LRRC4C: variants seen among roughly 807,000 people sequenced by gnomAD.
The protein encoded by LRRC4C is leucine rich repeat containing 4C, also known as leucine-rich repeat-containing protein 4C.
A neutral mutation model predicts 33.6 loss-of-function variants in LRRC4C; 5 were observed. The observed-to-expected ratio is 0.15, with a 90% CI of 0.08 to 0.31. LRRC4C has a LOEUF of 0.31. LRRC4C is among the 10% of genes least tolerant of loss of function. The pLI, the probability that LRRC4C is intolerant of heterozygous loss-of-function variation, is 1.00. For synonymous variants in LRRC4C, 329 were observed against 302.0 expected (o/e 1.09, Z -0.93); for missense variants, 560 against 796.7 (o/e 0.70, Z 3.58).
chr11:40,194,681 G>C (rs1301878193), intron 5 of LRRC4C, among the ~76,000 whole-genome samples: 1 of 152,090 alleles, frequency 6.6e-6, no homozygotes, highest in Non-Finnish European at 1.5e-5. Flanking sequence ...ATGACAGGTT[G>C]ATGGGTGCAG....
At chr11:41,357,691 G>A (rs1195763796) in intron 1 of LRRC4C, among the ~76,000 whole-genome samples, 1 of 151,900 alleles carries the variant, frequency 6.6e-6, no homozygotes, top group Non-Finnish European at 1.5e-5. Context: ...ATACCTGAGA[G>A]TATATCTAAT....
At chr11:41,247,413 A>G (rs1215650142) in intron 1 of LRRC4C, among the ~76,000 whole-genome samples, 2 of 152,212 alleles carry the variant, frequency 1.3e-5, no homozygotes, top group Non-Finnish European at 2.9e-5. Context: ...TTCAATGTCT[A>G]CTTAAGAACA....
intron 2 of LRRC4C, among the ~76,000 whole-genome samples, chr11:40,661,331 A>T (rs1487592327): frequency 6.6e-6 from 1 of 152,146 alleles, no homozygotes; most frequent in African/African-American, 2.4e-5. Context: ...TAGCTGTTCA[A>T]GTCTCACCTG....
chr11:40,531,340 C>T (rs944994170), intron 3 of LRRC4C, among the ~76,000 whole-genome samples: 4 of 152,120 alleles, frequency 2.6e-5, no homozygotes, highest in African/African-American at 9.7e-5. Context: ...CGAAGTAGAA[C>T]TGAGATACCA....
At chr11:41,063,695 A>G (rs1350754636) in intron 1 of LRRC4C, among the ~76,000 whole-genome samples, 1 of 152,196 alleles carries the variant, frequency 6.6e-6, no homozygotes, top group Non-Finnish European at 1.5e-5. Flanking sequence ...GAAGAGCAAT[A>G]TCCAATAAGG....
intron 2 of LRRC4C, among the ~76,000 whole-genome samples, chr11:40,799,405 T>C (rs1017211024): frequency 4.6e-5 from 7 of 152,234 alleles, no homozygotes; most frequent in African/African-American, 1.7e-4. Flanking sequence ...ATGTTTTATG[T>C]ATAAAAAAAC....
chr11:41,279,459 A>G (rs1423189666), intron 1 of LRRC4C, among the ~76,000 whole-genome samples: 1 of 150,670 alleles, frequency 6.6e-6, no homozygotes, highest in Non-Finnish European at 1.5e-5. Flanking sequence ...AATGGGTACA[A>G]GAAGGCAGCT....
At chr11:40,945,712 C>A (rs897813935) in intron 1 of LRRC4C, among the ~76,000 whole-genome samples, 1 of 152,116 alleles carries the variant, frequency 6.6e-6, no homozygotes, top group African/African-American at 2.4e-5. Flanking sequence ...ATTAAGCAAT[C>A]CACCAACCAT....
At chr11:40,754,477 A>C (rs1948845270) in intron 2 of LRRC4C, among the ~76,000 whole-genome samples, 1 of 152,180 alleles carries the variant, frequency 6.6e-6, no homozygotes, top group Admixed American at 6.6e-5. Flanking sequence ...ACAGTTCTCC[A>C]GCGTAGAGAG....
chr11:40,740,313 C>T (rs1948095159), intron 2 of LRRC4C, among the ~76,000 whole-genome samples: 1 of 151,950 alleles, frequency 6.6e-6, no homozygotes, highest in Non-Finnish European at 1.5e-5. Context: ...TCCACATTTT[C>T]TCCAGCATTT....
intron 2 of LRRC4C, among the ~76,000 whole-genome samples, chr11:40,796,689 C>T (rs1302738239): frequency 7.1e-6 from 1 of 140,788 alleles, no homozygotes; most frequent in Non-Finnish European, 1.5e-5. Flanking sequence ...TTGTGTCCCA[C>T]AGGCTGGAGT....
intron 1 of LRRC4C, among the ~76,000 whole-genome samples, chr11:41,066,315 C>T (rs1938232814): frequency 6.6e-6 from 1 of 152,076 alleles, no homozygotes; most frequent in South Asian, 2.1e-4. Context: ...GAAAGGATAT[C>T]AGAGTCTGAA....
intron 2 of LRRC4C, among the ~76,000 whole-genome samples, chr11:40,784,957 T>C (rs1175382729): frequency 6.6e-6 from 1 of 152,128 alleles, no homozygotes; most frequent in Non-Finnish European, 1.5e-5. Context: ...TTGGGACTTT[T>C]TCAAAAGGAG....
At chr11:41,103,318 A>G (rs1941307994) in intron 1 of LRRC4C, among the ~76,000 whole-genome samples, 1 of 151,962 alleles carries the variant, frequency 6.6e-6, no homozygotes, top group South Asian at 2.1e-4. Context: ...TACTTTGTCA[A>G]GGTCAAATAC....
At chr11:40,132,699 A>G (rs1189485292) in intron 6 of LRRC4C, among the ~76,000 whole-genome samples, 1 of 152,166 alleles carries the variant, frequency 6.6e-6, no homozygotes, top group Non-Finnish European at 1.5e-5. Flanking sequence ...AAATAAATAA[A>G]AAATAATATT....
chr11:41,054,303 G>C (rs772249361), intron 1 of LRRC4C, among the ~76,000 whole-genome samples: 1 of 152,124 alleles, frequency 6.6e-6, no homozygotes, highest in Non-Finnish European at 1.5e-5. Flanking sequence ...ATTCAAACCG[G>C]TGAACGTTCA....
chr11:40,678,697 G>A (rs901172395), intron 2 of LRRC4C, among the ~76,000 whole-genome samples: 4 of 152,182 alleles, frequency 2.6e-5, no homozygotes, highest in Admixed American at 6.5e-5. Flanking sequence ...CCGCCGCCAC[G>A]TAAGACGTCC....
intron 1 of LRRC4C, among the ~76,000 whole-genome samples, chr11:41,011,940 T>TG (rs1227819249): frequency 8.0e-6 from 1 of 124,788 alleles, no homozygotes; most frequent in Admixed American, 8.3e-5. Flanking sequence ...CTTTGCCTCC[T>TG]GGGTTTTTTT....
chr11:40,153,712 G>A (rs1051022352), intron 5 of LRRC4C, among the ~76,000 whole-genome samples: 9 of 152,016 alleles, frequency 5.9e-5, no homozygotes, highest in African/African-American at 2.2e-4. Context: ...TGAAGACAAT[G>A]TCTTCGAATT....
Sources: gnomAD v4.1 joint callset for allele counts (sites outside exome capture counted in the v4.1 genomes callset) on GRCh38, gnomAD v4.1.1 for gene constraint, MANE v1.5 for transcripts, NCBI Gene and HGNC (gene_info 2026-07-23, HGNC 2026-07-21) for gene names.